The following MACF1 variants were observed in gnomAD, a reference collection of about 807,000 sequenced individuals.
The protein encoded by MACF1 is microtubule actin crosslinking factor 1.
Under a neutral mutation model 854.8 loss-of-function variants are expected in MACF1, and 193 were observed. That is an observed-to-expected ratio of 0.23 (90% confidence interval 0.20 to 0.25). The LOEUF is 0.25. MACF1 is among the 10% of genes least tolerant of loss of function. The pLI, the probability that MACF1 is intolerant of heterozygous loss-of-function variation, is 1.00. For synonymous variants in MACF1, 3,185 were observed against 3,226.7 expected, an observed-to-expected ratio of 0.99 and a Z score of 0.44; for missense variants, 7,722 against 8,929.1, an observed-to-expected ratio of 0.86 and a Z score of 5.45.
In MACF1 at chr1:39,387,366, A is replaced by G. The variant is rs766082294; in HGVS notation, c.14524A>G (p.Ser4842Gly). The change falls in exon 58 of 101, where the codon AGT becomes GGT. Residue 4842 changes from serine to glycine, a missense_variant. Ser to Gly is a moderately conservative substitution (Grantham distance 56). This residue lies in a region of MACF1 where 2,807 missense variants were observed against 3,235.8 expected (regional missense o/e 0.87). Transcript: ENST00000564288. ...ACAGGAGAATGAAGAGTTTCAGAAA[A>G]GTCTTAATCAACACAGTGGCTCCTA... ...QLQENEEFQK[S>G]LNQHSGSYEV... is the part of the protein sequence containing the mutation. 12 of 1,614,228 alleles carry G rather than the reference A, an allele frequency of 7.4e-6. No homozygotes were observed. In the South Asian group the frequency reaches 1.3e-4, roughly 18 times the overall value.
chr1:39,121,451 T>G (rs1323512599), intron 2 of MACF1, among the ~76,000 whole-genome samples: 1 of 152,064 alleles, frequency 6.6e-6, no homozygotes, highest in African/African-American at 2.4e-5. Flanking sequence ...TTTATTTATT[T>G]ATTTATTTAT....
At chr1:39,264,775 G>A (rs929188079) in intron 6 of MACF1, among the ~76,000 whole-genome samples, 2 of 147,218 alleles carry the variant, frequency 1.4e-5, no homozygotes, top group South Asian at 2.1e-4. Context: ...CCGGGTTCAC[G>A]CCATTCTCCT....
chr1:39,428,323 C>G, intron 63 of MACF1, 36 bp downstream of exon 63: 1 of 1,510,234 alleles, frequency 6.6e-7, no homozygotes, highest in Non-Finnish European at 8.9e-7. Flanking sequence ...TTATGTTATT[C>G]TGTTATTTTG....
chr1:39,118,693 A>C (rs1642606939), intron 2 of MACF1, among the ~76,000 whole-genome samples: 1 of 152,228 alleles, frequency 6.6e-6, no homozygotes, highest in African/African-American at 2.4e-5. Flanking sequence ...TCGTGAAGGC[A>C]TAAGACAAAA....
At chr1:39,113,045 C>T (rs1489227568) in intron 2 of MACF1, among the ~76,000 whole-genome samples, 2 of 152,108 alleles carry the variant, frequency 1.3e-5, no homozygotes, top group Non-Finnish European at 2.9e-5. Flanking sequence ...AATGCGGCTT[C>T]CCAGAGAGTA....
In MACF1 at chr1:39,084,552, G is replaced by A. The variant is rs565557501; in HGVS notation, c.220+114G>A. The A allele has an allele frequency of 3.1e-4, 242 of 778,746 alleles. 4 individuals carry two copies. Among genetic ancestry groups the A allele is most frequent in the Middle Eastern group, 2.8e-3 (8 of 2,834 alleles). 48.2% of individuals were successfully genotyped at this position (778,746 alleles called of 1,614,324 possible). A position where few individuals can be genotyped will look rare whatever the true frequency, so the allele number is the denominator to read the frequency against. On this transcript the variant is annotated intron_variant, in intron 2 of 93. Coordinates refer to the MACF1 transcript ENST00000361689. The surrounding 1 kb of genome is among the most constrained non-coding windows in gnomAD (Gnocchi z 5.2). ...CCTCACCAGGGCCTCTGACAAAGCAGCCATCATCTGATTTGTTATTATTAT... is the reference window on the plus strand; with the variant it reads ...CCTCACCAGGGCCTCTGACAAAGCAACCATCATCTGATTTGTTATTATTAT...
At chr1:39,191,810 C>G (rs1268283286) in intron 2 of MACF1, among the ~76,000 whole-genome samples, 1 of 152,232 alleles carries the variant, frequency 6.6e-6, no homozygotes, top group Non-Finnish European at 1.5e-5. Flanking sequence ...TTCATTACAA[C>G]TCTGAGTCCC....
chr1:39,222,959 G>A (rs945162368), intron 1 of MACF1, among the ~76,000 whole-genome samples: 12 of 152,190 alleles, frequency 7.9e-5, no homozygotes, highest in Non-Finnish European at 1.2e-4. Context: ...CTCAAATGCA[G>A]GCTTTCATTT....
At chr1:39,436,920 T>C (rs915430900) in intron 70 of MACF1, among the ~76,000 whole-genome samples, 12 of 152,248 alleles carry the variant, frequency 7.9e-5, no homozygotes, top group African/African-American at 2.9e-4. Flanking sequence ...TTAATTACCT[T>C]TCATTATTCC....
chr1:39,185,244 A>G (rs1459793079), intron 2 of MACF1, among the ~76,000 whole-genome samples: 2 of 151,078 alleles, frequency 1.3e-5, no homozygotes, highest in East Asian at 3.9e-4. Context: ...GTGAGCCGAC[A>G]TGGCACCACT....
rs901216040 is a variant in MACF1, at chr1:39,340,427, A to T, written c.10216-75A>T. ...AGTGTGTGTAGACATGGGGTGAGAG[A>T]GAAATGTGTTCACAGCTGATTCCCA... On this transcript the variant is annotated intron_variant, in intron 38 of 100. Transcript: ENST00000564288. The T allele has an allele frequency of 2.9e-6, 3 of 1,035,146 alleles. No individual in the cohort carries two copies. The African/African-American group carries it at 4.7e-5, about 16-fold the overall frequency. The allele number at this position is 1,035,146 out of a possible 1,614,324, so 64.1% of individuals were successfully genotyped here.
intron 20 of MACF1, among the ~76,000 whole-genome samples, chr1:39,297,201 C>T (rs1479352391): frequency 2.6e-5 from 4 of 152,178 alleles, no homozygotes; most frequent in Non-Finnish European, 4.4e-5. Flanking sequence ...GCTGGGATTA[C>T]AGGCGTGAGC....
At chr1:39,411,354 A>G (rs1397529254) in intron 58 of MACF1, 7 of 1,613,914 alleles carry the variant, frequency 4.3e-6, no homozygotes, top group Admixed American at 3.3e-5. Flanking sequence ...TTTTTGAAGA[A>G]AGAGAACAAG....
intron 30 of MACF1, among the ~76,000 whole-genome samples, chr1:39,319,309 T>G (rs1646469309): frequency 6.6e-6 from 1 of 152,118 alleles, no homozygotes; most frequent in South Asian, 2.1e-4. Flanking sequence ...TGGGGACATG[T>G]TAGGAATGCA....
chr1:39,365,103 G>A (rs1484188140), intron 49 of MACF1, among the ~76,000 whole-genome samples: 1 of 152,018 alleles, frequency 6.6e-6, no homozygotes, highest in Non-Finnish European at 1.5e-5. Context: ...TTGAGACGGA[G>A]TCTTGCTCTG....
chr1:39,246,809 A>G (rs1224755322), intron 2 of MACF1, among the ~76,000 whole-genome samples: 6 of 151,952 alleles, frequency 3.9e-5, no homozygotes, highest in Non-Finnish European at 7.4e-5. Context: ...AGGGGTTTTG[A>G]AATCTTGGAG....
At chr1:39,107,581 C>T (rs1047122734) in intron 2 of MACF1, among the ~76,000 whole-genome samples, 4 of 152,090 alleles carry the variant, frequency 2.6e-5, no homozygotes, top group African/African-American at 9.7e-5. Context: ...GCTTAGCATC[C>T]GGGCCTTTGT....
At chr1:39,472,456 G>A (rs1225983024) in intron 97 of MACF1, among the ~76,000 whole-genome samples, 1 of 152,100 alleles carries the variant, frequency 6.6e-6, no homozygotes, top group East Asian at 1.9e-4. Flanking sequence ...TATTATCAAA[G>A]TAAAAGTATT....
chr1:39,485,572 G>GGCTGGGAGTCGA lies in MACF1; in HGVS notation c.22449_22460dup (p.Gly7488_Ala7491dup). 7 of 1,613,768 alleles carry GGCTGGGAGTCGA rather than the reference G, an allele frequency of 4.3e-6. No homozygotes were observed. Among genetic ancestry groups the GGCTGGGAGTCGA allele is most frequent in the Non-Finnish European group, 5.9e-6 (7 of 1,179,834 alleles). On this transcript the variant is annotated inframe_insertion, in exon 101 of 101. Coordinates refer to ENST00000564288, the MANE Select transcript of MACF1 (RefSeq NM_001394062.1). The stretch of plus-strand genomic sequence containing the variant: ...AGTCTGCCAGTCGCCCTGGGAGTCG[G>GGCTGGGAGTCGA]GCTGGGAGTCGAGCCGGGAGTCGAG...
Sources: allele counts gnomAD v4.1 joint callset (sites outside exome capture counted in the v4.1 genomes callset), GRCh38; gene constraint gnomAD v4.1.1; regional missense constraint gnomAD v4.1.1; non-coding constraint Gnocchi (gnomAD v3.1); transcripts MANE v1.5; gene names NCBI Gene and HGNC (gene_info 2026-07-23, HGNC 2026-07-21).